The following LMNB1 variants were observed in gnomAD, a reference collection of about 807,000 sequenced individuals.
The protein encoded by LMNB1 is lamin B1.
A neutral mutation model predicts 67.1 loss-of-function variants in LMNB1; 23 were observed. The observed-to-expected ratio is 0.34, with a 90% CI of 0.25 to 0.49. The LOEUF (loss-of-function observed/expected upper bound fraction) is 0.49. Among genes scored for constraint, LMNB1 ranks in the 20% least tolerant of loss-of-function variants. The pLI is 0.99. For missense variants in LMNB1, 634 were observed against 746.5 expected (o/e 0.85, Z 1.76); for synonymous variants, 281 against 282.9 (o/e 0.99, Z 0.07).
intron 1 of LMNB1, among the ~76,000 whole-genome samples, chr5:126,786,907 T>C (rs1461214596): frequency 2.0e-5 from 3 of 152,236 alleles, no homozygotes; most frequent in Non-Finnish European, 4.4e-5. Context: ...TTATCTTTTT[T>C]CTCTTCTTAA....
chr5:126,811,836 C>T lies in LMNB1; in HGVS notation c.877C>T (p.Leu293=), dbSNP rs754837172. 1 of 1,612,940 alleles carries T rather than the reference C, an allele frequency of 6.2e-7. No individual in the cohort carries two copies. Among genetic ancestry groups the T allele is most frequent in the South Asian group, 1.1e-5 (1 of 91,030 alleles). The change falls in exon 5 of 11, where the codon CTG becomes TTG. Residue 293 remains leucine (L), a synonymous_variant. Coordinates refer to ENST00000261366, the MANE Select transcript of LMNB1 (RefSeq NM_005573.4). ...TACTGTCAACAGTGCCAGGGAAGAA[C>T]TGATGGAAAGCCGCATGAGAATTGA... The part of the protein sequence containing the change: ...TSTVNSAREE[L]MESRMRIESL...
At chr5:126,814,252 G>A (rs1751651011) in intron 5 of LMNB1, among the ~76,000 whole-genome samples, 1 of 152,302 alleles carries the variant, frequency 6.6e-6, no homozygotes, top group African/African-American at 2.4e-5. Flanking sequence ...TTCTTGTACT[G>A]AGTTGGCATT....
chr5:126,815,966 C>T (rs1751694058), intron 5 of LMNB1, among the ~76,000 whole-genome samples: 2 of 152,278 alleles, frequency 1.3e-5, no homozygotes, highest in South Asian at 2.1e-4. Context: ...AATCTCGGCT[C>T]AGGTTATCTG....
At chr5:126,828,307 CATT>C (rs1441019502) in intron 9 of LMNB1, among the ~76,000 whole-genome samples, 1 of 151,818 alleles carries the variant, frequency 6.6e-6, no homozygotes, top group Non-Finnish European at 1.5e-5. Context: ...TTATTTATGT[CATT>C]TTTTTTTTCT....
intron 1 of LMNB1, among the ~76,000 whole-genome samples, chr5:126,784,275 C>T (rs13185769): frequency 0.025 from 3,736 of 152,078 alleles, 162 homozygotes; most frequent in African/African-American, 0.084. Flanking sequence ...ATGATCCGCC[C>T]GCCTTGGCCT....
Position 126,836,976 on chromosome 5 carries a change from T to A in LMNB1, c.*712T>A, listed in dbSNP as rs541191297. 5.0e-6 allele frequency: 2 copies of A among 398,260 alleles called. No individual in the cohort carries two copies. Among genetic ancestry groups the A allele is most frequent in the East Asian group, 7.1e-5 (2 of 28,018 alleles). 24.7% of individuals were successfully genotyped at this position (398,260 alleles called of 1,614,324 possible). On this transcript the variant is annotated 3_prime_UTR_variant, in exon 11 of 11. Coordinates refer to ENST00000261366, the MANE Select transcript of LMNB1 (RefSeq NM_005573.4). ...TTTAAGATAGTGTAACTTGCTTAAATTTCTTATGTGACATTAACAAATAAA... is the reference window on the plus strand; with the variant it reads ...TTTAAGATAGTGTAACTTGCTTAAAATTCTTATGTGACATTAACAAATAAA...
chr5:126,805,448 A>ATT (rs1751391145), intron 2 of LMNB1, 123 bp from the exon 3 acceptor site: 2 of 668,010 alleles, frequency 3.0e-6, no homozygotes. Context: ...AGATGAAGTA[A>ATT]TTATACATTG....
chr5:126,788,610 G>A (rs1277319756), intron 1 of LMNB1, among the ~76,000 whole-genome samples: 9 of 152,238 alleles, frequency 5.9e-5, no homozygotes, highest in African/African-American at 1.9e-4. Flanking sequence ...CTGAGATTGC[G>A]CCTCTGCACT....
Position 126,811,801 on chromosome 5 carries a change from T to G in LMNB1, c.842T>G (p.Met281Arg). The change falls in exon 5 of 11, where the codon ATG (methionine) becomes AGG (arginine). Residue 281 changes from methionine (M) to arginine (R), a missense_variant. By Grantham distance (91) the Met-to-Arg change is moderately conservative. Transcript: ENST00000261366. The stretch of plus-strand genomic sequence containing the variant: ...GAGAATGCCAGACTGTCATCAGAGA[T>G]GAATACTTCTACTGTCAACAGTGCC... ...KLENARLSSE[M>R]NTSTVNSARE... is the part of the protein sequence containing the mutation. 6.2e-7 allele frequency: 1 copy of G among 1,609,928 alleles called. No individual in the cohort carries two copies. Among genetic ancestry groups the G allele is most frequent in the Non-Finnish European group, 8.5e-7 (1 of 1,176,496 alleles).
intron 1 of LMNB1, among the ~76,000 whole-genome samples, chr5:126,784,886 TCTC>T: frequency 7.9e-6 from 1 of 126,060 alleles, no homozygotes; most frequent in East Asian, 2.4e-4. Flanking sequence ...ATGGGCTCGA[TCTC>T]CTGACCTCGT....
chr5:126,787,185 C>T (rs1329058839), intron 1 of LMNB1, among the ~76,000 whole-genome samples: 1 of 151,980 alleles, frequency 6.6e-6, no homozygotes, highest in African/African-American at 2.4e-5. Flanking sequence ...GTGCAGTATA[C>T]TAATAAAATA....
chr5:126,804,973 A>G lies in LMNB1; in HGVS notation c.516+41A>G, dbSNP rs758561363. 4 of 1,550,926 alleles carry G rather than the reference A, an allele frequency of 2.6e-6. No individual in the cohort carries two copies. The East Asian group carries it at 9.1e-5, about 35-fold the overall frequency. Reference sequence around the variant, plus strand: ...CTCTTGAGCCGTATGTGACAGGTTAATTGCCTCATCTGCCTTAAGCCATAG... The same window carrying G: ...CTCTTGAGCCGTATGTGACAGGTTAGTTGCCTCATCTGCCTTAAGCCATAG... On this transcript the variant is annotated intron_variant, in intron 2 of 10. Coordinates refer to ENST00000261366, the MANE Select transcript of LMNB1 (RefSeq NM_005573.4).
At chr5:126,803,739 C>T (rs1400200556) in intron 1 of LMNB1, among the ~76,000 whole-genome samples, 3 of 151,902 alleles carry the variant, frequency 2.0e-5, no homozygotes, top group African/African-American at 7.3e-5. Flanking sequence ...TTGGTAAAGA[C>T]GAGGTTTTAC....
intron 1 of LMNB1, among the ~76,000 whole-genome samples, chr5:126,781,809 A>G (rs1456224381): frequency 6.6e-6 from 1 of 152,222 alleles, no homozygotes; most frequent in Admixed American, 6.5e-5. Context: ...ATTTAGATTA[A>G]GAAAACAGCT....
chr5:126,834,736 C>A (rs916340333), intron 10 of LMNB1, among the ~76,000 whole-genome samples: 2 of 151,944 alleles, frequency 1.3e-5, no homozygotes, highest in South Asian at 4.2e-4. Flanking sequence ...ATTAGCCGGG[C>A]GTGGTGGCGG....
chr5:126,787,535 TA>T (rs1561735690), intron 1 of LMNB1, among the ~76,000 whole-genome samples: 4,770 of 95,578 alleles, frequency 0.05, 274 homozygotes, highest in Non-Finnish European at 0.072. Context: ...TATATATATA[TA>T]TATATATATA....
intron 1 of LMNB1, among the ~76,000 whole-genome samples, chr5:126,795,033 T>C (rs1030512141): frequency 6.6e-6 from 1 of 152,230 alleles, no homozygotes; most frequent in Non-Finnish European, 1.5e-5. Flanking sequence ...AGTTTACTTA[T>C]TGATTTGTTT....
chr5:126,809,516 A>G (rs965232169), intron 3 of LMNB1, among the ~76,000 whole-genome samples: 1 of 152,006 alleles, frequency 6.6e-6, no homozygotes, highest in Non-Finnish European at 1.5e-5. Context: ...GGGAAATCTC[A>G]TCTCTACTAA....
intron 1 of LMNB1, among the ~76,000 whole-genome samples, chr5:126,798,283 A>G (rs1354748898): frequency 6.6e-6 from 1 of 152,138 alleles, no homozygotes; most frequent in Non-Finnish European, 1.5e-5. Context: ...CCCCGTCTCT[A>G]CTAAAAATAC....
Sources: allele counts gnomAD v4.1 joint callset (sites outside exome capture counted in the v4.1 genomes callset), GRCh38; gene constraint gnomAD v4.1.1; transcripts MANE v1.5; gene names NCBI Gene and HGNC (gene_info 2026-07-23, HGNC 2026-07-21).